NAB1: variants seen among roughly 807,000 people sequenced by gnomAD.
The protein encoded by NAB1 is NGFI-A-binding protein 1.
NAB1 carries 25 observed loss-of-function variants against 49.9 expected under a neutral mutation model. The observed-to-expected ratio is 0.50, with a 90% CI of 0.37 to 0.70. NAB1 has a LOEUF of 0.70. NAB1 is among the 30% of genes least tolerant of loss of function. The pLI is 0.00. For missense variants in NAB1, 489 were observed against 575.9 expected (o/e 0.85, Z 1.54); for synonymous variants, 198 against 215.6 (o/e 0.92, Z 0.71).
At position 190,678,282 on chromosome 2, in the gene NAB1, G is replaced by A. The variant is rs1472649283; in HGVS notation, c.1005+5130G>A. On this transcript the variant is annotated intron_variant, in intron 6 of 9. Transcript: ENST00000337386. The surrounding 1 kb of genome is among the most constrained non-coding windows in gnomAD (Gnocchi z 4.9). ...TGTCTTCTCCTAAATTTTTTTAAAT[G>A]TTAGTTAAAAGTGAATTCAATTGGT... Among the ~76,000 whole-genome samples, 1 of 152,128 alleles carries A rather than the reference G, an allele frequency of 6.6e-6. No homozygotes were observed.
In NAB1 at chr2:190,685,914, A is replaced by C. The variant is rs982444477; in HGVS notation, c.1258+276A>C. Among the ~76,000 whole-genome samples, 1 of 152,232 alleles carries C rather than the reference A, an allele frequency of 6.6e-6. No individual in the cohort carries two copies. Among genetic ancestry groups the C allele is most frequent in the African/African-American group, 2.4e-5 (1 of 41,456 alleles). On this transcript the variant is annotated intron_variant, in intron 8 of 9. Transcript: ENST00000337386. This position sits in a 1 kb window ranked among gnomAD's most constrained non-coding sequence, Gnocchi z 4.5. ...TGGGAATGTGAGATGTCAACAGTAC[A>C]GATTATTTTCCCCGAAGAAGCAGAT...
intron 4 of NAB1, among the ~76,000 whole-genome samples, chr2:190,665,920 A>G (rs1208017273): frequency 2.0e-5 from 3 of 152,126 alleles, no homozygotes; most frequent in Non-Finnish European, 4.4e-5. Flanking sequence ...AGACTCTTCA[A>G]TTCTGATGGG....
In NAB1 at chr2:190,674,491, C is replaced by T. The variant is rs551722644; in HGVS notation, c.1005+1339C>T. Among the ~76,000 whole-genome samples the T allele has an allele frequency of 6.6e-6, 1 of 152,258 alleles. No individual in the cohort carries two copies. Among genetic ancestry groups the T allele is most frequent in the South Asian group, 2.1e-4 (1 of 4,814 alleles). On this transcript the variant is annotated intron_variant, in intron 6 of 9. Coordinates refer to ENST00000337386, the MANE Select transcript of NAB1 (RefSeq NM_005966.4). The surrounding 1 kb of genome is among the most constrained non-coding windows in gnomAD (Gnocchi z 5.7). The stretch of plus-strand genomic sequence containing the variant: ...TCTCCTGGTTTGTTTTCATAGCATT[C>T]GCCAGTATTTGAAACTGTTAGTTAC...
intron 6 of NAB1, among the ~76,000 whole-genome samples, chr2:190,673,872 CAAA>C (rs1304788693): frequency 6.6e-6 from 1 of 152,198 alleles, no homozygotes; most frequent in Non-Finnish European, 1.5e-5. Flanking sequence ...TTGTTTCTTA[CAAA>C]TACTTTTTAA....
rs556974719 is a variant in NAB1, at chr2:190,657,245, T to G, written c.-20+1092T>G. On this transcript the variant is annotated intron_variant, in intron 3 of 9. Transcript: ENST00000337386. The surrounding 1 kb of genome is among the most constrained non-coding windows in gnomAD (Gnocchi z 4.4). Reference sequence around the variant, plus strand: ...AGTTAGTGCCCAGGTGGATGATAGATTCTCCCTGGAGTGGGAGGACAGGCA... The same window carrying G: ...AGTTAGTGCCCAGGTGGATGATAGAGTCTCCCTGGAGTGGGAGGACAGGCA... 6.6e-6 allele frequency among the ~76,000 whole-genome samples: 1 copy of G among 152,274 alleles called. No individual in the cohort carries two copies. The highest frequency in any genetic ancestry group is 2.1e-4 in the South Asian group (1 of 4,828).
At position 190,659,090 on chromosome 2, in the gene NAB1, AACCT is replaced by A. The variant is rs1694082875; in HGVS notation, c.-19-66_-19-63del. 9.7e-7 allele frequency: 1 copy of A among 1,034,380 alleles called. No individual in the cohort carries two copies. Among genetic ancestry groups the A allele is most frequent in the African/African-American group, 1.6e-5 (1 of 61,786 alleles). 64.1% of individuals were successfully genotyped at this position (1,034,380 alleles called of 1,614,324 possible). On this transcript the variant is annotated intron_variant, in intron 3 of 9. Coordinates refer to ENST00000337386, the MANE Select transcript of NAB1 (RefSeq NM_005966.4). The surrounding 1 kb of genome is among the most constrained non-coding windows in gnomAD (Gnocchi z 6.2). Reference sequence around the variant, plus strand: ...TTTTTGTTCTTAAAACCTGTAGTGTAACCTATTTGGTGTAAGGAGTTTGAAGCAA... The same window carrying A: ...TTTTTGTTCTTAAAACCTGTAGTGTAATTTGGTGTAAGGAGTTTGAAGCAA...
At position 190,680,768 on chromosome 2, in the gene NAB1, A is replaced by C. The variant is rs543815942; in HGVS notation, c.1006-2970A>C. Among the ~76,000 whole-genome samples, 25 of 152,246 alleles carry C rather than the reference A, an allele frequency of 1.6e-4. No individual in the cohort carries two copies. In the Middle Eastern group the frequency reaches 0.01, roughly 62 times the overall value. On this transcript the variant is annotated intron_variant, in intron 6 of 9. Coordinates refer to ENST00000337386, the MANE Select transcript of NAB1 (RefSeq NM_005966.4). The surrounding 1 kb of genome is among the most constrained non-coding windows in gnomAD (Gnocchi z 5.2). The stretch of plus-strand genomic sequence containing the variant: ...TGTCTGTACTTTGTAATTGTCCATA[A>C]AATTTCTCTTTTTTCCCCAGTATGA...
At chr2:190,671,769 C>CTTTTTTTTTTTTTTTTTTTT in intron 5 of NAB1, among the ~76,000 whole-genome samples, 1 of 71,722 alleles carries the variant, frequency 1.4e-5, no homozygotes. Flanking sequence ...TTCACCTTTC[C>CTTTTTTTTTTTTTTTTTTTT]TTTTTTTTTT....
intron 6 of NAB1, among the ~76,000 whole-genome samples, chr2:190,681,328 T>C (rs1695331034): frequency 1.3e-5 from 2 of 152,242 alleles, no homozygotes; most frequent in African/African-American, 4.8e-5. Context: ...GAAGTTGTTC[T>C]AACTCTTCTA....
rs1695629827 is a variant in NAB1, at chr2:190,686,789, AG to A, written c.1259-411del. ...TCTGTTTTTTCACGGATTTTGCTGT[AG>A]TTTTTTTTTTTTAATCTTTAATTGG... is the stretch of plus-strand genomic sequence containing the variant. On this transcript the variant is annotated intron_variant, in intron 8 of 9. Transcript: ENST00000337386. This position sits in a 1 kb window ranked among gnomAD's most constrained non-coding sequence, Gnocchi z 5.5. 6.6e-6 allele frequency among the ~76,000 whole-genome samples: 1 copy of A among 150,706 alleles called. No individual in the cohort carries two copies. Among genetic ancestry groups the A allele is most frequent in the African/African-American group, 2.4e-5 (1 of 40,824 alleles).
rs1338637422 is a variant in NAB1, at chr2:190,691,338, C to G, written c.*1005C>G. The G allele has an allele frequency of 2.0e-5, 3 of 152,284 alleles. No individual in the cohort carries two copies. The highest frequency in any genetic ancestry group is 4.4e-5 in the Non-Finnish European group (3 of 67,966). 9.4% of individuals were successfully genotyped at this position (152,284 alleles called of 1,614,324 possible). Reference sequence around the variant, plus strand: ...GCTTTCACTAGGGAATGTCTTCCCACCCAGCCATCACAAATGTGGACAATC... The same window carrying G: ...GCTTTCACTAGGGAATGTCTTCCCAGCCAGCCATCACAAATGTGGACAATC... On this transcript the variant is annotated 3_prime_UTR_variant, in exon 10 of 10. Coordinates refer to ENST00000337386, the MANE Select transcript of NAB1 (RefSeq NM_005966.4). This position sits in a 1 kb window ranked among gnomAD's most constrained non-coding sequence, Gnocchi z 4.1.
At position 190,651,862 on chromosome 2, in the gene NAB1, A is replaced by G. The variant is rs942893616; in HGVS notation, c.-197+1880A>G. On this transcript the variant is annotated intron_variant, in intron 2 of 9. Coordinates refer to ENST00000337386, the MANE Select transcript of NAB1 (RefSeq NM_005966.4). This position sits in a 1 kb window ranked among gnomAD's most constrained non-coding sequence, Gnocchi z 4.3. ...ATGCTAATGTATAATCAACCCGTCT[A>G]TGCATATTTCATTGTGGAATTTGCT... Among the ~76,000 whole-genome samples the G allele has an allele frequency of 3.3e-5, 5 of 152,366 alleles. No homozygotes were observed. The highest frequency in any genetic ancestry group is 1.3e-4 in the Admixed American group (2 of 15,308).
In NAB1 at chr2:190,685,036, C is replaced by T. The variant is rs777829734; in HGVS notation, c.1096-440C>T. The stretch of plus-strand genomic sequence containing the variant: ...GACAGCCGTTTTACACCTTTTCTCC[C>T]CCAAACATATTGTCATCATATCAGA... On this transcript the variant is annotated intron_variant, in intron 7 of 9. Transcript: ENST00000337386. The surrounding 1 kb of genome is among the most constrained non-coding windows in gnomAD (Gnocchi z 4.5). Among the ~76,000 whole-genome samples the T allele has an allele frequency of 1.3e-4, 20 of 152,108 alleles. No individual in the cohort carries two copies. In the South Asian group the frequency reaches 1.7e-3, roughly 13 times the overall value.
Position 190,666,136 on chromosome 2 carries a change from ATTT to A in NAB1, c.820-4187_820-4185del. ...TGATCCCCTCCCTATTTTATTTAAC[ATTT>A]TTAGTTTTTTTTTTCTGAGAGGGGC... On this transcript the variant is annotated intron_variant, in intron 4 of 9. Transcript: ENST00000337386. The surrounding 1 kb of genome is among the most constrained non-coding windows in gnomAD (Gnocchi z 5.6). 6.6e-6 allele frequency among the ~76,000 whole-genome samples: 1 copy of A among 151,132 alleles called. No homozygotes were observed. The highest frequency in any genetic ancestry group is 1.5e-5 in the Non-Finnish European group (1 of 67,778).
chr2:190,672,160 C>T (rs1201879143), intron 5 of NAB1, among the ~76,000 whole-genome samples: 3 of 152,032 alleles, frequency 2.0e-5, no homozygotes, highest in Non-Finnish European at 4.4e-5. Context: ...CTAAGGTGCC[C>T]TCATTATTTT....
rs1400085775 is a variant in NAB1, at chr2:190,682,046, C to T, written c.1006-1692C>T. On this transcript the variant is annotated intron_variant, in intron 6 of 9. Coordinates refer to ENST00000337386, the MANE Select transcript of NAB1 (RefSeq NM_005966.4). This position sits in a 1 kb window ranked among gnomAD's most constrained non-coding sequence, Gnocchi z 4.1. ...ACTAAAGTTACTAAAACCATGCTGTCATGATATTTTGTAGTTATAATGATC... is the reference window on the plus strand; with the variant it reads ...ACTAAAGTTACTAAAACCATGCTGTTATGATATTTTGTAGTTATAATGATC... Among the ~76,000 whole-genome samples, 1 of 151,878 alleles carries T rather than the reference C, an allele frequency of 6.6e-6. No homozygotes were observed. Among genetic ancestry groups the T allele is most frequent in the Non-Finnish European group, 1.5e-5 (1 of 67,990 alleles).
intron 2 of NAB1, among the ~76,000 whole-genome samples, chr2:190,655,319 A>G (rs1693862739): frequency 6.6e-6 from 1 of 152,220 alleles, no homozygotes; most frequent in African/African-American, 2.4e-5. Flanking sequence ...GAGTGACTCC[A>G]TGGCTCTTGT....
At chr2:190,668,731 A>T (rs1181650355) in intron 4 of NAB1, among the ~76,000 whole-genome samples, 1 of 152,204 alleles carries the variant, frequency 6.6e-6, no homozygotes, top group Non-Finnish European at 1.5e-5. Context: ...AAGAAAAATT[A>T]TTCTAAATAA....
rs1362652883 is a variant in NAB1 at position 190,684,156 on chromosome 2, T to TC, written c.1095+330dup. 6.6e-6 allele frequency among the ~76,000 whole-genome samples: 1 copy of TC among 152,208 alleles called. No individual in the cohort carries two copies. The highest frequency in any genetic ancestry group is 2.4e-5 in the African/African-American group (1 of 41,454). ...TGACCATGGCTGTGTGTAATGCAACTCTGAGATAAAATAATACTAGTTCTC... is the reference window on the plus strand; with the variant it reads ...TGACCATGGCTGTGTGTAATGCAACTCCTGAGATAAAATAATACTAGTTCTC... On this transcript the variant is annotated intron_variant, in intron 7 of 9. Transcript: ENST00000337386. The surrounding 1 kb of genome is among the most constrained non-coding windows in gnomAD (Gnocchi z 4.6).
Sources: gnomAD v4.1 joint callset for allele counts (sites outside exome capture counted in the v4.1 genomes callset) on GRCh38, gnomAD v4.1.1 for gene constraint, Gnocchi (gnomAD v3.1) non-coding constraint, MANE v1.5 for transcripts, NCBI Gene and HGNC (gene_info 2026-07-23, HGNC 2026-07-21) for gene names.